ZMYM2: variants seen among roughly 807,000 people sequenced by gnomAD.
ZMYM2 encodes zinc finger MYM-type containing 2.
Under a neutral mutation model 162.8 loss-of-function variants are expected in ZMYM2, and 56 were observed. The observed-to-expected ratio is 0.34, with a 90% CI of 0.28 to 0.43. The LOEUF is 0.43. Among genes scored for constraint, ZMYM2 ranks in the 20% least tolerant of loss-of-function variants. ZMYM2 has a pLI of 1.00. For synonymous variants in ZMYM2, 510 were observed against 541.6 expected (o/e 0.94, Z 0.81); for missense variants, 1,275 against 1,621.8 (o/e 0.79, Z 3.67).
the ZMYM2 span, among the ~76,000 whole-genome samples, chr13:19,909,800 G>A: frequency 6.6e-6 from 1 of 152,078 alleles, no homozygotes; most frequent in Non-Finnish European, 1.5e-5. Context: ...AACCCAGGAG[G>A]AGGTGCACTA....
chr13:20,024,936 A>AT (rs1952443382), intron 7 of ZMYM2: 1 of 215,218 alleles, frequency 4.6e-6, no homozygotes, highest in African/African-American at 2.3e-5. Context: ...AGTGGTTTTA[A>AT]TAAGATGATA....
Position 20,085,852 on chromosome 13 carries a change from T to G in ZMYM2, c.3972T>G (p.Val1324=). 6.2e-6 allele frequency: 10 copies of G among 1,611,892 alleles called. No homozygotes were observed. The highest frequency in any genetic ancestry group is 8.5e-6 in the Non-Finnish European group (10 of 1,178,880). ...SPQNLNQRMD[V]FYLQPECSSS... ...AGAATCTTAATCAGAGGATGGATGT[T>G]TTTTATTTGCAACCAGAATGCTCTA... is the stretch of plus-strand genomic sequence containing the variant. Residue 1324 remains valine (V), a synonymous_variant, in exon 25 of 25, where the codon GTT becomes GTG. Coordinates refer to ENST00000610343, the MANE Select transcript of ZMYM2 (RefSeq NM_197968.4).
chr13:20,031,283 C>CAT lies in ZMYM2; in HGVS notation c.1852-35_1852-34dup, dbSNP rs1443143600. 4 of 1,415,722 alleles carry CAT rather than the reference C, an allele frequency of 2.8e-6. No individual in the cohort carries two copies. The Admixed American group carries it at 8.2e-5, about 29-fold the overall frequency. The allele number at this position is 1,415,722 out of a possible 1,614,324, so 87.7% of individuals were successfully genotyped here. On this transcript the variant is annotated intron_variant, in intron 9 of 24. Transcript: ENST00000610343. ...AATCACAAATAGAAATTCAAACATACATGTCAGGCTTAGTATCTTTTGTTC... is the reference window on the plus strand; with the variant it reads ...AATCACAAATAGAAATTCAAACATACATATGTCAGGCTTAGTATCTTTTGTTC...
At chr13:19,924,614 C>T in the ZMYM2 span, among the ~76,000 whole-genome samples, 1 of 152,192 alleles carries the variant, frequency 6.6e-6, no homozygotes, top group South Asian at 2.1e-4. Flanking sequence ...CTCAAGGCTG[C>T]TCTATGTTGT....
In ZMYM2 at chr13:20,083,667, A is replaced by T; in HGVS notation, c.3832A>T (p.Thr1278Ser). 6.5e-7 allele frequency: 1 copy of T among 1,529,742 alleles called. No homozygotes were observed. The highest frequency in any genetic ancestry group is 8.9e-7 in the Non-Finnish European group (1 of 1,124,556). The allele number at this position is 1,529,742 out of a possible 1,614,324, so 94.8% of individuals were successfully genotyped here. Residue 1278 changes from threonine (T) to serine (S), a missense_variant, in exon 24 of 25, where the codon ACT (threonine) becomes TCT (serine). Physicochemically the swap from Thr to Ser is moderately conservative, Grantham distance 58. Coordinates refer to ENST00000610343, the MANE Select transcript of ZMYM2 (RefSeq NM_197968.4). ...TTTTATTTTTTAAGATAAAATTACT[A>T]CTGGAAAAAGAAAACATGAAGATGA... ...CGTDNEDKIT[T>S]GKRKHEDDEP...
At chr13:20,005,326 A>C (rs1950658550) in intron 5 of ZMYM2, 87 bp downstream of exon 5, 1 of 1,021,056 alleles carries the variant, frequency 9.8e-7, no homozygotes, top group Admixed American at 3.4e-5. Context: ...ATCTTTTATC[A>C]GTTCCTTAAA....
chr13:19,868,981 C>T, the ZMYM2 span, among the ~76,000 whole-genome samples: 2 of 152,082 alleles, frequency 1.3e-5, no homozygotes, highest in Non-Finnish European at 2.9e-5. Context: ...GAACTCCTGA[C>T]CTCAAGTGAT....
the ZMYM2 span, among the ~76,000 whole-genome samples, chr13:19,867,570 A>T: frequency 6.6e-6 from 1 of 152,186 alleles, no homozygotes. Context: ...CTAAGATTGA[A>T]AAAGCATGAG....
At chr13:20,081,498 T>TA (rs1957904326) in intron 21 of ZMYM2, among the ~76,000 whole-genome samples, 1 of 152,150 alleles carries the variant, frequency 6.6e-6, no homozygotes. Context: ...ATTAGGAATA[T>TA]AGAGACAATA....
intron 21 of ZMYM2, among the ~76,000 whole-genome samples, chr13:20,079,175 C>T (rs539112723): frequency 2.6e-5 from 4 of 151,294 alleles, no homozygotes; most frequent in East Asian, 3.9e-4. Flanking sequence ...AAAAATTAGC[C>T]GGGTGTGGTG....
the ZMYM2 span, among the ~76,000 whole-genome samples, chr13:19,902,349 G>T: frequency 6.6e-6 from 1 of 152,216 alleles, no homozygotes; most frequent in African/African-American, 2.4e-5. Flanking sequence ...GGGCGCGGTG[G>T]CTCACGCCTG....
At chr13:20,041,126 A>G (rs1954208122) in intron 12 of ZMYM2, among the ~76,000 whole-genome samples, 1 of 152,136 alleles carries the variant, frequency 6.6e-6, no homozygotes, top group Non-Finnish European at 1.5e-5. Context: ...CAGGTCCTGA[A>G]TATCTTTATT....
chr13:19,970,171 C>T lies in ZMYM2; in HGVS notation c.-11+10145C>T, dbSNP rs796628346. ...ACACTAGATCATAGATTTGGAACACCAACAAGTGGTCATAAGAATAAATGA... is the reference window on the plus strand; with the variant it reads ...ACACTAGATCATAGATTTGGAACACTAACAAGTGGTCATAAGAATAAATGA... On this transcript the variant is annotated intron_variant, in intron 2 of 24. Coordinates refer to ENST00000610343, the MANE Select transcript of ZMYM2 (RefSeq NM_197968.4). 1.3e-4 allele frequency: 67 copies of T among 510,384 alleles called. No individual in the cohort carries two copies. In the African/African-American group the frequency reaches 1.3e-3, roughly 10 times the overall value. The allele number at this position is 510,384 out of a possible 1,614,324, so 31.6% of individuals were successfully genotyped here.
intron 1 of ZMYM2, among the ~76,000 whole-genome samples, chr13:19,959,171 G>C (rs1345664475): frequency 2.0e-5 from 3 of 148,078 alleles, no homozygotes; most frequent in African/African-American, 7.3e-5. Context: ...TCGCGGGGCC[G>C]GCGGGGCGGC....
chr13:19,996,178 GTAAC>G (rs1221424600), intron 3 of ZMYM2, among the ~76,000 whole-genome samples: 1 of 152,198 alleles, frequency 6.6e-6, no homozygotes, highest in African/African-American at 2.4e-5. Flanking sequence ...ATAATGTGAA[GTAAC>G]TAAAATCTAG....
the ZMYM2 span, among the ~76,000 whole-genome samples, chr13:19,879,313 T>C: frequency 1.3e-5 from 2 of 152,196 alleles, no homozygotes; most frequent in Non-Finnish European, 2.9e-5. Context: ...TGGTGGCTCA[T>C]GCTTGTAATC....
intron 18 of ZMYM2, among the ~76,000 whole-genome samples, chr13:20,063,397 T>C (rs1187997573): frequency 6.4e-5 from 9 of 140,656 alleles, no homozygotes; most frequent in African/African-American, 2.4e-4. Context: ...AGTGAGACCC[T>C]GTCTTTAAAA....
intron 2 of ZMYM2, among the ~76,000 whole-genome samples, chr13:19,986,823 C>T (rs993110351): frequency 6.6e-6 from 1 of 151,848 alleles, no homozygotes; most frequent in Non-Finnish European, 1.5e-5. Flanking sequence ...AAATCCTCAG[C>T]GGGGCACGGT....
chr13:20,009,648 T>C (rs1951018150), intron 6 of ZMYM2, among the ~76,000 whole-genome samples: 1 of 152,224 alleles, frequency 6.6e-6, no homozygotes, highest in African/African-American at 2.4e-5. Flanking sequence ...GTAAGTGAAA[T>C]TATATAATAT....
Sources: gnomAD v4.1 joint callset for allele counts (sites outside exome capture counted in the v4.1 genomes callset) on GRCh38, gnomAD v4.1.1 for gene constraint, MANE v1.5 for transcripts, NCBI Gene and HGNC (gene_info 2026-07-23, HGNC 2026-07-21) for gene names.